MACROD2: variants seen among roughly 807,000 people sequenced by gnomAD.
MACROD2 encodes the protein mono-ADP ribosylhydrolase 2.
In MACROD2, 36 loss-of-function variants were observed where a neutral mutation model predicts 70.4. The observed-to-expected ratio is 0.51, with a 90% confidence interval of 0.39 to 0.68. The LOEUF (loss-of-function observed/expected upper bound fraction) is 0.68, where lower values mean the gene tolerates loss of function less well. Ranked by LOEUF, MACROD2 falls within the 30% of genes least tolerant of loss-of-function variation. The pLI is 0.00. For missense variants in MACROD2, 496 were observed against 538.4 expected, an observed-to-expected ratio of 0.92 and a Z score of 0.78; for synonymous variants, 172 against 178.8, an observed-to-expected ratio of 0.96 and a Z score of 0.30.
At chr20:15,459,816 GT>G (rs961262635) in intron 7 of MACROD2, among the ~76,000 whole-genome samples, 5 of 148,552 alleles carry the variant, frequency 3.4e-5, no homozygotes, top group East Asian at 2.0e-4. Context: ...ATTTGTCCTT[GT>G]TTTTTTTTTC....
At chr20:14,895,434 C>T (rs2073815919) in intron 5 of MACROD2, 1 of 152,078 alleles carries the variant, frequency 6.6e-6, no homozygotes, top group Non-Finnish European at 1.5e-5. Flanking sequence ...TTACTCTCCA[C>T]CTCCCAAAAT....
At chr20:14,507,963 C>CAGT (rs768863402) in intron 4 of MACROD2, among the ~76,000 whole-genome samples, 1 of 152,144 alleles carries the variant, frequency 6.6e-6, no homozygotes, top group Non-Finnish European at 1.5e-5. Flanking sequence ...ATACTAGCTA[C>CAGT]AGCCTCCTGA....
intron 2 of MACROD2, among the ~76,000 whole-genome samples, chr20:14,022,814 T>C (rs942387053): frequency 1.3e-5 from 2 of 152,248 alleles, no homozygotes; most frequent in African/African-American, 4.8e-5. Context: ...ATACTGTATA[T>C]GTGCCACATT....
At chr20:14,601,102 G>C (rs1025694594) in intron 4 of MACROD2, among the ~76,000 whole-genome samples, 1 of 151,298 alleles carries the variant, frequency 6.6e-6, no homozygotes, top group Non-Finnish European at 1.5e-5. Context: ...TATATATAAA[G>C]CCTACAGCAT....
rs116877157 is a variant in MACROD2, at chr20:14,777,717, A to G, written c.418+92758A>G. ...TGAAATTTAGTAATATGCTGTTTAA[A>G]CATAAAAGGCTAAGAAAAACTTGTT... On this transcript the variant is annotated intron_variant, in intron 5 of 17. Coordinates refer to ENST00000684519, the MANE Select transcript of MACROD2 (RefSeq NM_001351661.2). Among the ~76,000 whole-genome samples the G allele has an allele frequency of 4.3e-3, 647 of 152,200 alleles. 3 individuals carry two copies. The highest frequency in any genetic ancestry group is 6.2e-3 in the Non-Finnish European group (421 of 68,026).
At chr20:14,249,131 T>C (rs867588458) in intron 3 of MACROD2, among the ~76,000 whole-genome samples, 3,464 of 143,310 alleles carry the variant, frequency 0.024, 113 homozygotes, top group Non-Finnish European at 0.038. Context: ...TTCAAAGGTT[T>C]TTTTTTTTTT....
intron 5 of MACROD2, among the ~76,000 whole-genome samples, chr20:15,109,648 T>C (rs2075939434): frequency 6.6e-6 from 1 of 152,076 alleles, no homozygotes; most frequent in Admixed American, 6.6e-5. Context: ...ATAAAACGAA[T>C]CTTAAGAAAG....
chr20:15,008,557 T>A (rs2075057555), intron 5 of MACROD2, among the ~76,000 whole-genome samples: 1 of 152,066 alleles, frequency 6.6e-6, no homozygotes, highest in Non-Finnish European at 1.5e-5. Flanking sequence ...AAACTTAAAG[T>A]CTACTGAGAA....
At chr20:14,160,107 A>G (rs934249644) in intron 3 of MACROD2, among the ~76,000 whole-genome samples, 1 of 152,064 alleles carries the variant, frequency 6.6e-6, no homozygotes, top group Non-Finnish European at 1.5e-5. Context: ...TTGATGTGCT[A>G]TTGGATGTGA....
intron 6 of MACROD2, among the ~76,000 whole-genome samples, chr20:15,304,234 C>T (rs2077674533): frequency 1.3e-5 from 2 of 151,956 alleles, no homozygotes; most frequent in South Asian, 4.1e-4. Flanking sequence ...AAGAAAGGAG[C>T]GAGTTGTCTT....
chr20:15,807,176 G>A (rs537253425), intron 8 of MACROD2, among the ~76,000 whole-genome samples: 3 of 152,330 alleles, frequency 2.0e-5, no homozygotes, highest in East Asian at 1.9e-4. Flanking sequence ...GAATCCAGCT[G>A]ATTACACTGA....
intron 5 of MACROD2, among the ~76,000 whole-genome samples, chr20:14,943,511 T>C (rs2074407075): frequency 6.6e-6 from 1 of 152,184 alleles, no homozygotes; most frequent in African/African-American, 2.4e-5. Context: ...TAATGGTTGA[T>C]ATATTGCTTC....
intron 8 of MACROD2, among the ~76,000 whole-genome samples, chr20:15,624,569 G>A (rs951330414): frequency 6.6e-6 from 1 of 152,088 alleles, no homozygotes; most frequent in African/African-American, 2.4e-5. Context: ...CCCACAGACT[G>A]AATTAGGCCC....
chr20:16,021,384 T>A (rs2147553782), intron 15 of MACROD2, among the ~76,000 whole-genome samples: 1 of 152,274 alleles, frequency 6.6e-6, no homozygotes, highest in South Asian at 2.1e-4. Context: ...AGCACAGGGC[T>A]CACTGAGGAA....
At chr20:15,728,871 A>G (rs1285424367) in intron 8 of MACROD2, among the ~76,000 whole-genome samples, 6 of 150,934 alleles carry the variant, frequency 4.0e-5, no homozygotes, top group Non-Finnish European at 7.4e-5. Flanking sequence ...GTTTTTTTGT[A>G]TCTTGGTTTC....
chr20:15,477,605 G>A (rs1600469435), intron 7 of MACROD2, among the ~76,000 whole-genome samples: 1 of 151,872 alleles, frequency 6.6e-6, no homozygotes, highest in African/African-American at 2.4e-5. Flanking sequence ...CCCAATGAAG[G>A]GTACATTAAC....
chr20:14,181,653 C>T (rs1239687374), intron 3 of MACROD2, among the ~76,000 whole-genome samples: 2 of 151,958 alleles, frequency 1.3e-5, no homozygotes, highest in African/African-American at 2.4e-5. Flanking sequence ...TCCCCTCCTC[C>T]AGCTCGTAGC....
At chr20:14,444,033 T>C (rs1568614433) in intron 3 of MACROD2, among the ~76,000 whole-genome samples, 1 of 152,140 alleles carries the variant, frequency 6.6e-6, no homozygotes, top group Non-Finnish European at 1.5e-5. Context: ...TAAAACCAAA[T>C]CTCACTTTAT....
intron 5 of MACROD2, among the ~76,000 whole-genome samples, chr20:15,157,100 A>T (rs1050401134): frequency 1.6e-4 from 24 of 152,154 alleles, no homozygotes; most frequent in Non-Finnish European, 3.1e-4. Context: ...CTTCTCTAAT[A>T]AAATGCCACA....
Sources: gnomAD v4.1 joint callset for allele counts (sites outside exome capture counted in the v4.1 genomes callset) on GRCh38, gnomAD v4.1.1 for gene constraint, MANE v1.5 for transcripts, NCBI Gene and HGNC (gene_info 2026-07-23, HGNC 2026-07-21) for gene names.